Variants in ARNT observed in about 807,000 individuals in gnomAD.
ARNT encodes the protein class E basic helix-loop-helix protein 2.
ARNT carries 30 observed loss-of-function variants against 105.0 expected under a neutral mutation model. The ratio of observed to expected loss-of-function variants is 0.29; its 90% CI spans 0.21 to 0.39. ARNT has a LOEUF of 0.39. ARNT is among the 10% of genes least tolerant of loss of function. The pLI, the probability that ARNT is intolerant of heterozygous loss-of-function variation, is 1.00. For missense variants in ARNT, 748 were observed against 978.7 expected, an observed-to-expected ratio of 0.76 and a Z score of 3.15; for synonymous variants, 304 against 344.0, an observed-to-expected ratio of 0.88 and a Z score of 1.29.
chr1:150,857,530 T>C (rs1434695460), intron 2 of ARNT, among the ~76,000 whole-genome samples: 1 of 152,190 alleles, frequency 6.6e-6, no homozygotes, highest in Non-Finnish European at 1.5e-5. Context: ...ACTCTTCCAT[T>C]ACTATTGGTG....
At chr1:150,829,040 A>T in intron 12 of ARNT, 53 bp downstream of exon 12, 1 of 1,597,052 alleles carries the variant, frequency 6.3e-7, no homozygotes, top group Non-Finnish European at 8.5e-7. Flanking sequence ...TGATTACATA[A>T]TGTCAACATA....
intron 14 of ARNT, among the ~76,000 whole-genome samples, chr1:150,819,164 GA>G (rs1330397499): frequency 6.6e-6 from 1 of 151,438 alleles, no homozygotes; most frequent in South Asian, 2.1e-4. Context: ...CAATTCTACA[GA>G]AAGAAAAGAT....
intron 1 of ARNT, among the ~76,000 whole-genome samples, chr1:150,865,902 A>C (rs2102407257): frequency 6.6e-6 from 1 of 151,988 alleles, no homozygotes; most frequent in Admixed American, 6.5e-5. Context: ...CTTCTATTTC[A>C]CTAATTGATA....
At chr1:150,837,166 C>T (rs1364677074) in intron 6 of ARNT, among the ~76,000 whole-genome samples, 1 of 152,068 alleles carries the variant, frequency 6.6e-6, no homozygotes, top group African/African-American at 2.4e-5. Flanking sequence ...CCCACTTTCT[C>T]TCTTTCCCTT....
At chr1:150,872,655 T>C (rs980667730) in intron 1 of ARNT, among the ~76,000 whole-genome samples, 3 of 152,178 alleles carry the variant, frequency 2.0e-5, no homozygotes, top group Admixed American at 1.3e-4. Flanking sequence ...AAATGACACA[T>C]TCAATTTAAA....
Position 150,860,405 on chromosome 1 carries a change from G to A in ARNT, c.26-1945C>T, listed in dbSNP as rs1049123765. On this transcript the variant is annotated intron_variant, in intron 1 of 21. Transcript: ENST00000358595. Reference sequence around the variant, plus strand: ...TAATTTTTGTATTTTTATTAGAGATGGGGTTTCACCATGTTGGCCAGGCTG... The same window carrying A: ...TAATTTTTGTATTTTTATTAGAGATAGGGTTTCACCATGTTGGCCAGGCTG... Among the ~76,000 whole-genome samples, 4 of 150,496 alleles carry A rather than the reference G, an allele frequency of 2.7e-5. No individual in the cohort carries two copies. The East Asian group carries it at 6.0e-4, about 23-fold the overall frequency.
intron 20 of ARNT, 113 bp from the exon 21 acceptor site, chr1:150,813,451 T>G: frequency 9.1e-7 from 1 of 1,096,826 alleles, no homozygotes; most frequent in Non-Finnish European, 1.2e-6. Context: ...AGGATAACTC[T>G]GTCCTTCTCT....
chr1:150,848,511 T>C (rs1374965324), intron 3 of ARNT, among the ~76,000 whole-genome samples: 1 of 151,944 alleles, frequency 6.6e-6, no homozygotes, highest in African/African-American at 2.4e-5. Context: ...GTGCTTTCAC[T>C]ATATATAACT....
At chr1:150,875,926 A>G (rs925029584) in intron 1 of ARNT, among the ~76,000 whole-genome samples, 47 of 152,210 alleles carry the variant, frequency 3.1e-4, no homozygotes, top group Middle Eastern at 6.8e-3. Context: ...GCAGGCAAAG[A>G]CCTACAGGCC....
chr1:150,819,355 T>C (rs1034744792), intron 14 of ARNT, among the ~76,000 whole-genome samples: 2 of 152,168 alleles, frequency 1.3e-5, no homozygotes, highest in Non-Finnish European at 2.9e-5. Flanking sequence ...AGAGTTACTA[T>C]GTGGCCAGCA....
intron 5 of ARNT, among the ~76,000 whole-genome samples, chr1:150,839,890 T>C (rs1284249020): frequency 6.6e-6 from 1 of 152,134 alleles, no homozygotes; most frequent in African/African-American, 2.4e-5. Flanking sequence ...TTCCCCCTAT[T>C]TCCTGGAAAC....
intron 8 of ARNT, among the ~76,000 whole-genome samples, chr1:150,833,690 C>T (rs1659747585): frequency 6.6e-6 from 1 of 151,426 alleles, no homozygotes; most frequent in Non-Finnish European, 1.5e-5. Flanking sequence ...AAAGGACCAC[C>T]ATATTTTCTA....
chr1:150,853,763 AAAG>A (rs1446904250), intron 2 of ARNT, among the ~76,000 whole-genome samples: 12 of 152,234 alleles, frequency 7.9e-5, no homozygotes, highest in Admixed American at 3.3e-4. Flanking sequence ...ACATTCAGGG[AAAG>A]AAGAAGTGAA....
In ARNT at chr1:150,839,437, A is replaced by G. The variant is rs759922275; in HGVS notation, c.486+4T>C. 1 of 1,614,170 alleles carries G rather than the reference A, an allele frequency of 6.2e-7. No homozygotes were observed. Among genetic ancestry groups the G allele is most frequent in the Non-Finnish European group, 8.5e-7 (1 of 1,180,006 alleles). On this transcript the variant is annotated splice_donor_region_variant and intron_variant, in intron 6 of 21. Transcript: ENST00000358595. ...ACTCTCTCAGAACTATAAGTCCCAG[A>G]GACCTGATCAGTGAGGAAAGACGGC...
intron 2 of ARNT, among the ~76,000 whole-genome samples, chr1:150,854,980 A>G (rs1295553588): frequency 6.6e-6 from 1 of 151,732 alleles, no homozygotes; most frequent in Non-Finnish European, 1.5e-5. Flanking sequence ...TAAGTCAAAG[A>G]AAAAAAAGTC....
chr1:150,859,882 C>T (rs922262165), intron 1 of ARNT, among the ~76,000 whole-genome samples: 3 of 151,956 alleles, frequency 2.0e-5, no homozygotes, highest in Admixed American at 6.6e-5. Context: ...TGGCCCATGC[C>T]TGTAGTCCCA....
Position 150,816,305 on chromosome 1 carries a change from G to T in ARNT, c.1904C>A (p.Ala635Glu). The change falls in exon 19 of 22, where the codon GCA (alanine) becomes GAA (glutamate). Residue 635 changes from alanine (A) to glutamate (E), a missense_variant. This residue lies in a region of ARNT where 360 missense variants were observed against 411.9 expected (regional missense o/e 0.87). Coordinates refer to ENST00000358595, the MANE Select transcript of ARNT (RefSeq NM_001668.4). ...ISRHSNPTQG[A>E]TPTWTPTTRS... is the part of the protein sequence containing the mutation. Reference sequence around the variant, plus strand: ...GGTAGTAGGGGTCCAAGTTGGGGTTGCTCCTTGGGTGGGGTTGGAGTGGCG... The same window carrying T: ...GGTAGTAGGGGTCCAAGTTGGGGTTTCTCCTTGGGTGGGGTTGGAGTGGCG... The T allele has an allele frequency of 1.9e-6, 3 of 1,607,112 alleles. No individual in the cohort carries two copies. Among genetic ancestry groups the T allele is most frequent in the Admixed American group, 1.7e-5 (1 of 57,604 alleles).
At chr1:150,839,779 G>T in intron 5 of ARNT, 125 bp from the exon 6 acceptor site, 1 of 1,002,838 alleles carries the variant, frequency 1.0e-6, no homozygotes, top group Non-Finnish European at 1.5e-6. Context: ...TGATGCTTAA[G>T]TCTCAGCAGT....
chr1:150,821,546 G>A (rs76609938), intron 14 of ARNT, among the ~76,000 whole-genome samples: 5 of 152,144 alleles, frequency 3.3e-5, no homozygotes, highest in Admixed American at 1.3e-4. Flanking sequence ...TTAACTTTAC[G>A]CGGTTATGAT....
Sources: gnomAD v4.1 joint callset for allele counts (sites outside exome capture counted in the v4.1 genomes callset) on GRCh38, gnomAD v4.1.1 for gene constraint, gnomAD v4.1.1 regional missense constraint, MANE v1.5 for transcripts, NCBI Gene and HGNC (gene_info 2026-07-23, HGNC 2026-07-21) for gene names.